CBFB: variants seen among roughly 807,000 people sequenced by gnomAD.
CBFB encodes the protein CBF-beta.
Under a neutral mutation model 30.4 loss-of-function variants are expected in CBFB, and 9 were observed. The ratio of observed to expected loss-of-function variants is 0.30; its 90% CI spans 0.18 to 0.52. The LOEUF (loss-of-function observed/expected upper bound fraction) is 0.52, where lower values mean the gene tolerates loss of function less well. Ranked by LOEUF, CBFB falls within the 20% of genes least tolerant of loss-of-function variation. The probability of loss-of-function intolerance (pLI) is 0.97; values close to 1 mark genes in which losing one functional copy is unlikely to be tolerated. For synonymous variants in CBFB, 94 were observed against 84.0 expected, an observed-to-expected ratio of 1.12 and a Z score of -0.65; for missense variants, 170 against 244.0, an observed-to-expected ratio of 0.70 and a Z score of 2.02.
At chr16:67,085,142 TTGTGTG>T (rs774330554) in intron 5 of CBFB, among the ~76,000 whole-genome samples, 2 of 149,162 alleles carry the variant, frequency 1.3e-5, no homozygotes, top group Non-Finnish European at 3.0e-5. Flanking sequence ...ATGAAATAAA[TTGTGTG>T]TGTGTGTGTG....
intron 3 of CBFB, among the ~76,000 whole-genome samples, chr16:67,065,041 C>T (rs1045233734): frequency 3.9e-5 from 6 of 152,066 alleles, no homozygotes; most frequent in Admixed American, 6.6e-5. Flanking sequence ...GGGATTATAG[C>T]TGTGCGCTAC....
At chr16:67,078,506 A>C (rs1961468728) in intron 4 of CBFB, among the ~76,000 whole-genome samples, 1 of 152,144 alleles carries the variant, frequency 6.6e-6, no homozygotes, top group African/African-American at 2.4e-5. Context: ...TAATCACACC[A>C]CTGCACTCCA....
chr16:67,054,750 TTTTGTTTG>T (rs147035000), intron 3 of CBFB, among the ~76,000 whole-genome samples: 1 of 151,896 alleles, frequency 6.6e-6, no homozygotes, highest in Non-Finnish European at 1.5e-5. Flanking sequence ...CAACAGAGCT[TTTTGTTTG>T]TTTGTTTGTT....
intron 3 of CBFB, among the ~76,000 whole-genome samples, chr16:67,059,025 A>C (rs995805246): frequency 1.3e-5 from 2 of 152,198 alleles, no homozygotes. Context: ...AATTCTCTTT[A>C]GAATCACTCA....
chr16:67,064,746 G>GTA (rs1425205429), intron 3 of CBFB, among the ~76,000 whole-genome samples: 1 of 152,130 alleles, frequency 6.6e-6, no homozygotes, highest in Non-Finnish European at 1.5e-5. Context: ...TGGGTATGAT[G>GTA]TATACCTAAA....
At chr16:67,075,196 A>AAAT (rs1961352007) in intron 4 of CBFB, among the ~76,000 whole-genome samples, 1 of 42,116 alleles carries the variant, frequency 2.4e-5, no homozygotes. Context: ...TCTCAAAAAA[A>AAAT]ATGTGTGTGT....
At chr16:67,087,548 C>T (rs1465967756) in intron 5 of CBFB, among the ~76,000 whole-genome samples, 2 of 152,290 alleles carry the variant, frequency 1.3e-5, no homozygotes, top group Non-Finnish European at 2.9e-5. Flanking sequence ...GAGCAAGACC[C>T]TGTCTCCCTG....
chr16:67,099,043 G>T lies in CBFB; in HGVS notation c.*265G>T. ...GCTTACCTTGTTGGCATTATTTTAG[G>T]GAGTTGAAACTATCAACTGTAAAGC... is the stretch of plus-strand genomic sequence containing the variant. On this transcript the variant is annotated 3_prime_UTR_variant, in exon 6 of 6. Coordinates refer to ENST00000412916, the MANE Select transcript of CBFB (RefSeq NM_022845.3). 2.7e-6 allele frequency: 1 copy of T among 366,270 alleles called. No homozygotes were observed. The highest frequency in any genetic ancestry group is 4.9e-6 in the Non-Finnish European group (1 of 205,626). 22.7% of individuals were successfully genotyped at this position (366,270 alleles called of 1,614,324 possible).
chr16:67,040,002 GAA>G, intron 3 of CBFB, among the ~76,000 whole-genome samples: 1 of 151,598 alleles, frequency 6.6e-6, no homozygotes, highest in Non-Finnish European at 1.5e-5. Context: ...TTTTCTAGAA[GAA>G]AAAAAAGCAT....
At chr16:67,097,271 C>T (rs561119586) in intron 5 of CBFB, among the ~76,000 whole-genome samples, 4 of 152,152 alleles carry the variant, frequency 2.6e-5, no homozygotes, top group East Asian at 1.9e-4. Flanking sequence ...TGGGGCCGGG[C>T]GTGGTGGCTC....
At chr16:67,085,843 A>C (rs936735821) in intron 5 of CBFB, among the ~76,000 whole-genome samples, 9 of 150,616 alleles carry the variant, frequency 6.0e-5, no homozygotes, top group African/African-American at 1.2e-4. Context: ...ATGCCCGGCT[A>C]ATTTTTTGTA....
Position 67,098,887 on chromosome 16 carries a change from G to T in CBFB, c.*109G>T. 1 of 736,426 alleles carries T rather than the reference G, an allele frequency of 1.4e-6. No individual in the cohort carries two copies. Among genetic ancestry groups the T allele is most frequent in the East Asian group, 2.5e-5 (1 of 39,368 alleles). 45.6% of individuals were successfully genotyped at this position (736,426 alleles called of 1,614,324 possible). ...AACTGTGATAACTGGAGGTACTACG[G>T]TCTATTTCTCAACCTTAGGCAGTAA... On this transcript the variant is annotated 3_prime_UTR_variant, in exon 6 of 6. Coordinates refer to ENST00000412916, the MANE Select transcript of CBFB (RefSeq NM_022845.3).
At position 67,041,768 on chromosome 16, in the gene CBFB, CT is replaced by C. The variant is rs140180530; in HGVS notation, c.282+5035del. Among the ~76,000 whole-genome samples, 279 of 98,876 alleles carry C rather than the reference CT, an allele frequency of 2.8e-3. 3 individuals carry two copies. Among genetic ancestry groups the C allele is most frequent in the South Asian group, 7.8e-3 (24 of 3,058 alleles). 64.9% of individuals were successfully genotyped at this position (98,876 alleles called of 152,430 possible). On this transcript the variant is annotated intron_variant, in intron 3 of 5. Coordinates refer to ENST00000412916, the MANE Select transcript of CBFB (RefSeq NM_022845.3). ...CTTGTTATTGCAGCTTGTTTCTTTA[CT>C]TTTTTTTTTTTTTTTTTTTTTAAGA...
chr16:67,079,515 CTTTTT>C (rs34164177), intron 4 of CBFB, among the ~76,000 whole-genome samples: 5 of 98,662 alleles, frequency 5.1e-5, no homozygotes, highest in African/African-American at 1.1e-4. Context: ...GGCCCTGGGT[CTTTTT>C]TTTTTTTTTT....
chr16:67,070,851 G>C (rs1264267463), intron 4 of CBFB, among the ~76,000 whole-genome samples: 1 of 152,116 alleles, frequency 6.6e-6, no homozygotes, highest in African/African-American at 2.4e-5. Flanking sequence ...ACAAGACCCT[G>C]TCTCAAAAAC....
intron 3 of CBFB, among the ~76,000 whole-genome samples, chr16:67,040,637 G>A (rs1294756719): frequency 6.6e-6 from 1 of 152,148 alleles, no homozygotes; most frequent in African/African-American, 2.4e-5. Flanking sequence ...ACTGAGCATT[G>A]TCCTAGGTAT....
chr16:67,075,566 G>GTA (rs894280456), intron 4 of CBFB, among the ~76,000 whole-genome samples: 23 of 151,736 alleles, frequency 1.5e-4, no homozygotes, highest in South Asian at 2.1e-4. Context: ...GTGTGTGTGT[G>GTA]TATATATATA....
chr16:67,097,397 T>G (rs373014039), intron 5 of CBFB, among the ~76,000 whole-genome samples: 1 of 149,618 alleles, frequency 6.7e-6, no homozygotes, highest in South Asian at 2.1e-4. Context: ...ACTACAAAAT[T>G]AGCCGGGCGT....
At chr16:67,046,691 A>C (rs774518904) in intron 3 of CBFB, among the ~76,000 whole-genome samples, 3 of 152,208 alleles carry the variant, frequency 2.0e-5, no homozygotes, top group Non-Finnish European at 4.4e-5. Flanking sequence ...ATTGATGCAG[A>C]CATACATGCA....
Sources: allele counts gnomAD v4.1 joint callset (sites outside exome capture counted in the v4.1 genomes callset), GRCh38; gene constraint gnomAD v4.1.1; transcripts MANE v1.5; gene names NCBI Gene and HGNC (gene_info 2026-07-23, HGNC 2026-07-21).